SUN1: variants seen among roughly 807,000 people sequenced by gnomAD.
The protein encoded by SUN1 is Sad1 and UNC84 domain containing 1, also known as SUN domain-containing protein 1.
SUN1 carries 61 observed loss-of-function variants against 103.2 expected under a neutral mutation model. The observed-to-expected ratio is 0.59, with a 90% CI of 0.48 to 0.73. The LOEUF is 0.73. Ranked by LOEUF, SUN1 falls within the 30% of genes least tolerant of loss-of-function variation. SUN1 has a pLI of 0.00. For missense variants in SUN1, 1,052 were observed against 1,034.6 expected (o/e 1.02, Z -0.23); for synonymous variants, 490 against 425.7 (o/e 1.15, Z -1.86).
chr7:861,418 T>C lies in SUN1; in HGVS notation c.1818T>C (p.Tyr606=). The change falls in exon 15 of 19, where the codon TAT becomes TAC. Residue 606 remains tyrosine (Y), a synonymous_variant. Coordinates refer to ENST00000401592, the MANE Select transcript of SUN1 (RefSeq NM_001130965.3). ...RAIVNSALKL[Y]SQDKTGMVDF... ...TCGTGAACAGCGCCTTGAAGCTGTATTCCCAAGATAAGACCGGGATGGTGG... is the reference window on the plus strand; with the variant it reads ...TCGTGAACAGCGCCTTGAAGCTGTACTCCCAAGATAAGACCGGGATGGTGG... The C allele has an allele frequency of 6.2e-7, 1 of 1,614,232 alleles. No individual in the cohort carries two copies. The highest frequency in any genetic ancestry group is 2.2e-5 in the East Asian group (1 of 44,894).
At chr7:855,873 C>T (rs1024848471) in intron 11 of SUN1, among the ~76,000 whole-genome samples, 7 of 152,152 alleles carry the variant, frequency 4.6e-5, no homozygotes, top group African/African-American at 1.4e-4. Flanking sequence ...CTCCTGTGTC[C>T]GCCCGAGAAG....
intron 12 of SUN1, 135 bp from the exon 13 acceptor site, chr7:857,693 A>T: frequency 8.7e-7 from 1 of 1,148,272 alleles, no homozygotes; most frequent in South Asian, 2.9e-5. Flanking sequence ...TTTCCACGTT[A>T]GTGTGGCACA....
At chr7:849,910 A>G in intron 5 of SUN1, 3 of 1,588,704 alleles carry the variant, frequency 1.9e-6, no homozygotes, top group South Asian at 1.1e-5. Flanking sequence ...ACTGCCTGTC[A>G]CCACACCTGC....
intron 15 of SUN1, among the ~76,000 whole-genome samples, chr7:864,646 A>T (rs1221954508): frequency 1.4e-5 from 2 of 139,078 alleles, no homozygotes. Flanking sequence ...TTTTTCGTAG[A>T]GACAAAGAGT....
chr7:831,303 G>T (rs930552742), upstream of SUN1, among the ~76,000 whole-genome samples: 3 of 145,006 alleles, frequency 2.1e-5, no homozygotes, highest in Non-Finnish European at 4.5e-5. Context: ...ATGGAATCTC[G>T]CTCTGTCACC....
At position 847,373 on chromosome 7, in the gene SUN1, G is replaced by T. The variant is rs557400900; in HGVS notation, c.658+3853G>T. Among the ~76,000 whole-genome samples, 639 of 148,836 alleles carry T rather than the reference G, an allele frequency of 4.3e-3. 10 individuals are homozygous for T. The highest frequency in any genetic ancestry group is 0.015 in the African/African-American group (616 of 40,238). On this transcript the variant is annotated intron_variant, in intron 5 of 18. Transcript: ENST00000401592. ...AGCGCCCTCTCTGGGATCTCCTGGG[G>T]GTTACTCCGCAGTCCAGTCTCCGGG...
At chr7:835,859 A>AG (rs1021391371) in intron 1 of SUN1, among the ~76,000 whole-genome samples, 1 of 152,134 alleles carries the variant, frequency 6.6e-6, no homozygotes, top group Non-Finnish European at 1.5e-5. Context: ...GCTCAGATCC[A>AG]GGGGGGCTGG....
chr7:855,076 C>G (rs566236418), intron 11 of SUN1, 70 bp downstream of exon 11: 1 of 1,216,568 alleles, frequency 8.2e-7, no homozygotes, highest in South Asian at 1.3e-5. Flanking sequence ...TTTTAAAGCC[C>G]TTTGGTCATT....
In SUN1 at chr7:873,336, A is replaced by G; in HGVS notation, c.*5A>G. On this transcript the variant is annotated 3_prime_UTR_variant, in exon 19 of 19. Coordinates refer to ENST00000401592, the MANE Select transcript of SUN1 (RefSeq NM_001130965.3). ...CATGGCGAACCTGTCAAGTGAAGAC[A>G]CTACTCATTATTTTTGTACATTTTT... 6.2e-7 allele frequency: 1 copy of G among 1,611,468 alleles called. No individual in the cohort carries two copies. The highest frequency in any genetic ancestry group is 8.5e-7 in the Non-Finnish European group (1 of 1,177,670).
intron 5 of SUN1, among the ~76,000 whole-genome samples, chr7:845,300 G>A (rs1196454231): frequency 1.3e-5 from 2 of 152,054 alleles, no homozygotes; most frequent in South Asian, 2.1e-4. Flanking sequence ...CTCGGACGTC[G>A]GTGTCGTGGC....
At chr7:851,602 C>T (rs1390058488) in intron 6 of SUN1, 120 bp downstream of exon 6, 18 of 864,360 alleles carry the variant, frequency 2.1e-5, no homozygotes, top group Middle Eastern at 4.5e-4. Flanking sequence ...TGACCCTTGG[C>T]GTAACGTGTC....
intron 17 of SUN1, among the ~76,000 whole-genome samples, chr7:871,762 C>G (rs147562582): frequency 1.3e-5 from 2 of 152,240 alleles, no homozygotes; most frequent in Non-Finnish European, 2.9e-5. Context: ...TCTTCCATAG[C>G]ATTTCTTATC....
At chr7:872,402 G>A (rs990897769) in intron 17 of SUN1, 68 bp from the exon 18 acceptor site, 7 of 1,327,986 alleles carry the variant, frequency 5.3e-6, no homozygotes, top group African/African-American at 4.4e-5. Flanking sequence ...GGCTGTGGAA[G>A]GGAACGGTCC....
chr7:861,467 G>A lies in SUN1; in HGVS notation c.1864+3G>A, dbSNP rs1286578312. 2 of 1,614,138 alleles carry A rather than the reference G, an allele frequency of 1.2e-6. No homozygotes were observed. The highest frequency in any genetic ancestry group is 1.7e-5 in the Admixed American group (1 of 60,020). ...GGACTTTGCTCTGGAATCTGGTGGTGAGTAAATAGACGTTCTGATTACTAA... is the reference window on the plus strand; with the variant it reads ...GGACTTTGCTCTGGAATCTGGTGGTAAGTAAATAGACGTTCTGATTACTAA... On this transcript the variant is annotated splice_donor_region_variant and intron_variant, in intron 15 of 18. Coordinates refer to ENST00000401592, the MANE Select transcript of SUN1 (RefSeq NM_001130965.3).
Position 869,418 on chromosome 7 carries a change from A to C in SUN1, c.2050A>C (p.Met684Leu). 1 of 1,613,896 alleles carries C rather than the reference A, an allele frequency of 6.2e-7. No individual in the cohort carries two copies. Among genetic ancestry groups the C allele is most frequent in the South Asian group, 1.1e-5 (1 of 91,080 alleles). Residue 684 changes from methionine (M) to leucine (L), a missense_variant, in exon 17 of 19, where the codon ATG (methionine) becomes CTG (leucine). Physicochemically the swap from Met to Leu is conservative, Grantham distance 15. Transcript: ENST00000401592. ...SQGYLVVRLS[M>L]MIHPAAFTLE... ...GGGGTACCTGGTGGTGAGGCTCTCC[A>C]TGATGATCCACCCAGCCGCCTTCAC...
intron 18 of SUN1, 73 bp downstream of exon 18, chr7:872,635 C>A: frequency 1.6e-6 from 2 of 1,213,068 alleles, no homozygotes; most frequent in Non-Finnish European, 2.4e-6. Context: ...GCCCAGCTGG[C>A]ATCAACAGAC....
chr7:874,775 A>G lies in SUN1; in HGVS notation c.*1444A>G, dbSNP rs1362951822. On this transcript the variant is annotated 3_prime_UTR_variant, in exon 19 of 19. Coordinates refer to ENST00000401592, the MANE Select transcript of SUN1 (RefSeq NM_001130965.3). ...TTTATTTTTAAAGATGCAAGATAGG[A>G]CTTTGTGCAATGTATTTTTGTAAAT... is the stretch of plus-strand genomic sequence containing the variant. 6.6e-6 allele frequency: 1 copy of G among 152,248 alleles called. No homozygotes were observed. Among genetic ancestry groups the G allele is most frequent in the African/African-American group, 2.4e-5 (1 of 41,468 alleles). 9.4% of individuals were successfully genotyped at this position (152,248 alleles called of 1,614,324 possible).
upstream of SUN1, chr7:816,546 G>A: frequency 2.6e-6 from 1 of 380,268 alleles, no homozygotes; most frequent in Non-Finnish European, 5.1e-6. Context: ...GGCGCGCTCG[G>A]GACTGGTGAA....
rs1039453623 is a variant in SUN1, at chr7:857,760, G to A, written c.1395-68G>A. The A allele has an allele frequency of 2.7e-6, 4 of 1,456,304 alleles. No homozygotes were observed. In the South Asian group the frequency reaches 6.2e-5, roughly 23 times the overall value. 90.2% of individuals were successfully genotyped at this position (1,456,304 alleles called of 1,614,324 possible). On this transcript the variant is annotated intron_variant, in intron 12 of 18. Coordinates refer to ENST00000401592, the MANE Select transcript of SUN1 (RefSeq NM_001130965.3). ...AGTGGGATCGGGTTCCCCTCAGCCT[G>A]TGTGTAGTGTGGGAAGCGTATAGGC...
Sources: allele counts gnomAD v4.1 joint callset (sites outside exome capture counted in the v4.1 genomes callset), GRCh38; gene constraint gnomAD v4.1.1; transcripts MANE v1.5; gene names NCBI Gene and HGNC (gene_info 2026-07-23, HGNC 2026-07-21).